DMTN: variants seen among roughly 807,000 people sequenced by gnomAD.
The protein encoded by DMTN is dematin actin binding protein, also known as dematin.
DMTN carries 27 observed loss-of-function variants against 59.4 expected under a neutral mutation model. That is an observed-to-expected ratio of 0.45 (90% confidence interval 0.33 to 0.63). DMTN has a LOEUF of 0.63. DMTN is among the 20% of genes least tolerant of loss of function. The pLI is 0.02. For synonymous variants in DMTN, 221 were observed against 203.7 expected (o/e 1.08, Z -0.72); for missense variants, 451 against 528.9 (o/e 0.85, Z 1.45).
At chr8:22,067,992 G>C (rs1278652180) in intron 4 of DMTN, among the ~76,000 whole-genome samples, 2 of 152,232 alleles carry the variant, frequency 1.3e-5, no homozygotes, top group African/African-American at 4.8e-5. Context: ...TGAAAGTCTA[G>C]CGGAGGGACC....
chr8:22,065,980 A>G (rs971504214), intron 1 of DMTN, among the ~76,000 whole-genome samples: 1 of 151,454 alleles, frequency 6.6e-6, no homozygotes, highest in Non-Finnish European at 1.5e-5. Context: ...AGCTGGGACT[A>G]CAGGCATCCA....
Position 22,070,226 on chromosome 8 carries a change from C to A in DMTN, c.496C>A (p.Leu166Ile). 6.2e-7 allele frequency: 1 copy of A among 1,610,328 alleles called. No homozygotes were observed. Among genetic ancestry groups the A allele is most frequent in the Non-Finnish European group, 8.5e-7 (1 of 1,178,100 alleles). The stretch of plus-strand genomic sequence containing the variant: ...TCAGACCAAGCACCTCATCGAGGAT[C>A]TCATCATCGAGTCATCCAAGTTTCC... ...SPQTKHLIED[L>I]IIESSKFPAA... is the part of the protein sequence containing the mutation. Residue 166 changes from leucine (L) to isoleucine (I), a missense_variant, in exon 8 of 16, where the codon CTC becomes ATC. Physicochemically the swap from Leu to Ile is conservative, Grantham distance 5 (BLOSUM62 2). Coordinates refer to ENST00000358242, the MANE Select transcript of DMTN (RefSeq NM_001387751.1).
chr8:22,081,245 C>G (rs139561641), intron 15 of DMTN, 52 bp downstream of exon 15: 9 of 1,608,842 alleles, frequency 5.6e-6, no homozygotes, highest in Admixed American at 3.3e-5. Flanking sequence ...CGGGCACTCT[C>G]CTGCCTGGGG....
chr8:22,079,271 T>C (rs1484306863), intron 10 of DMTN, among the ~76,000 whole-genome samples: 2 of 44,966 alleles, frequency 4.4e-5, no homozygotes, highest in African/African-American at 1.5e-4. Context: ...AATAAATAAA[T>C]AAATAAATAT....
rs1412250884 is a variant in DMTN, at chr8:22,066,730, A to G, written c.-146A>G. On this transcript the variant is annotated 5_prime_UTR_variant, in exon 2 of 16. Transcript: ENST00000358242. ...CCTGGAGAGTCACCGCCGAGGGATGAGGACGCGCCAGCCCGGGGGAACGCG... is the reference window on the plus strand; with the variant it reads ...CCTGGAGAGTCACCGCCGAGGGATGGGGACGCGCCAGCCCGGGGGAACGCG... 3.5e-6 allele frequency: 3 copies of G among 847,836 alleles called. No individual in the cohort carries two copies. The African/African-American group carries it at 5.5e-5, about 15-fold the overall frequency. The allele number at this position is 847,836 out of a possible 1,614,324, so 52.5% of individuals were successfully genotyped here. A position where few individuals can be genotyped will look rare whatever the true frequency, so the allele number is the denominator to read the frequency against.
intron 10 of DMTN, among the ~76,000 whole-genome samples, chr8:22,075,433 C>T (rs1819001542): frequency 6.6e-6 from 1 of 150,786 alleles, no homozygotes; most frequent in African/African-American, 2.4e-5. Context: ...ACTGCAACCT[C>T]TATCTTCTGG....
chr8:22,081,086 T>G, intron 14 of DMTN, 27 bp from the exon 15 acceptor site: 13 of 1,576,100 alleles, frequency 8.2e-6, no homozygotes, highest in South Asian at 1.1e-5. Flanking sequence ...TCTGTGAGCC[T>G]AAGATTGCCC....
chr8:22,053,867 C>T (rs1438183655), upstream of DMTN: 2 of 152,336 alleles, frequency 1.3e-5, no homozygotes, highest in East Asian at 3.8e-4. Flanking sequence ...GGGCCTGAGC[C>T]AACAGGCACC....
upstream of DMTN, among the ~76,000 whole-genome samples, chr8:22,051,226 C>G (rs1801323684): frequency 6.6e-6 from 1 of 152,138 alleles, no homozygotes; most frequent in Admixed American, 6.5e-5. Flanking sequence ...ACCAGTGCCT[C>G]AAGTCTCACG....
chr8:22,080,826 A>G lies in DMTN; in HGVS notation c.979A>G (p.Arg327Gly). Reference protein sequence around the residue: ...GLQNGEGQRGRMDRGNSLPCV... With the variant: ...GLQNGEGQRGGMDRGNSLPCV... ...CCAGAACGGAGAGGGCCAGAGGGGG[A>G]GGATGGACCGGGGGAACTCCCTGCC... The change falls in exon 14 of 16, where the codon AGG (arginine) becomes GGG (glycine). Residue 327 changes from arginine (R) to glycine (G), a missense_variant. Coordinates refer to ENST00000358242, the MANE Select transcript of DMTN (RefSeq NM_001387751.1). 2 of 1,600,352 alleles carry G rather than the reference A, an allele frequency of 1.2e-6. No homozygotes were observed. The highest frequency in any genetic ancestry group is 1.7e-6 in the Non-Finnish European group (2 of 1,170,998).
In DMTN at chr8:22,068,484, C is replaced by CTTG. The variant is rs572981372; in HGVS notation, c.250-531_250-529dup. On this transcript the variant is annotated intron_variant, in intron 4 of 15. Coordinates refer to ENST00000358242, the MANE Select transcript of DMTN (RefSeq NM_001387751.1). The stretch of plus-strand genomic sequence containing the variant: ...TCAGGAGGCTGAGGTGGGAGAATCC[C>CTTG]TTGAGGCTGGGAAGGGGAGGCTGCA... Among the ~76,000 whole-genome samples the CTTG allele has an allele frequency of 3.6e-4, 55 of 152,250 alleles. 1 individual carries two copies. The East Asian group carries it at 0.01, about 29-fold the overall frequency.
rs370045371 is a variant in DMTN, at chr8:22,070,234, C to T, written c.504C>T (p.Ile168=). 3.3e-5 allele frequency: 53 copies of T among 1,611,982 alleles called. No individual in the cohort carries two copies. The highest frequency in any genetic ancestry group is 4.2e-5 in the Non-Finnish European group (50 of 1,179,002). Residue 168 remains isoleucine, a synonymous_variant, in exon 8 of 16, where the codon ATC becomes ATT. Coordinates refer to ENST00000358242, the MANE Select transcript of DMTN (RefSeq NM_001387751.1). Reference sequence around the variant, plus strand: ...AGCACCTCATCGAGGATCTCATCATCGAGTCATCCAAGTTTCCTGCAGCCC... The same window carrying T: ...AGCACCTCATCGAGGATCTCATCATTGAGTCATCCAAGTTTCCTGCAGCCC... ...QTKHLIEDLI[I]ESSKFPAAQP...
chr8:22,077,188 G>T (rs777917339), intron 10 of DMTN, among the ~76,000 whole-genome samples: 1 of 152,108 alleles, frequency 6.6e-6, no homozygotes, highest in Non-Finnish European at 1.5e-5. Flanking sequence ...AACTGAGAAG[G>T]TAGTGACAGA....
In DMTN at chr8:22,072,343, C is replaced by T. The variant is rs1231216695; in HGVS notation, c.622C>T (p.Arg208Trp). ...TCTCCTAGAGACAGAATGGAGGAAG[C>T]GGAAGGCGTCTCGGAGGGGAGCAGA... is the stretch of plus-strand genomic sequence containing the variant. ...LAVVETEWRK[R>W]KASRRGAEEE... The change falls in exon 9 of 16, where the codon CGG becomes TGG. Residue 208 changes from arginine (R) to tryptophan (W), a missense_variant. Transcript: ENST00000358242. 4 of 1,601,152 alleles carry T rather than the reference C, an allele frequency of 2.5e-6. No individual in the cohort carries two copies. The highest frequency in any genetic ancestry group is 2.3e-5 in the East Asian group (1 of 44,328).
intron 8 of DMTN, among the ~76,000 whole-genome samples, chr8:22,072,123 C>T (rs1420969229): frequency 1.3e-5 from 2 of 152,152 alleles, no homozygotes. Flanking sequence ...TTCCTGGGCT[C>T]AAGCGATCCT....
chr8:22,067,746 C>A, intron 4 of DMTN, 64 bp downstream of exon 4: 2 of 1,566,736 alleles, frequency 1.3e-6, no homozygotes, highest in Non-Finnish European at 1.7e-6. Context: ...TGGGTGGGGA[C>A]CGATCCCTCC....
Position 22,081,872 on chromosome 8 carries a change from C to T in DMTN, c.*409C>T, listed in dbSNP as rs1264382244. ...CAGAAAGAGCTCCAGGCTCTTGTGTCGCCCACCCAGCCCTCCCATACTCAC... is the reference window on the plus strand; with the variant it reads ...CAGAAAGAGCTCCAGGCTCTTGTGTTGCCCACCCAGCCCTCCCATACTCAC... On this transcript the variant is annotated 3_prime_UTR_variant, in exon 16 of 16. Transcript: ENST00000358242. The T allele has an allele frequency of 3.7e-5, 17 of 461,486 alleles. No individual in the cohort carries two copies. The highest frequency in any genetic ancestry group is 8.0e-5 in the African/African-American group (4 of 50,254). 28.6% of individuals were successfully genotyped at this position (461,486 alleles called of 1,614,324 possible).
chr8:22,079,134 G>A (rs1218115589), intron 10 of DMTN, among the ~76,000 whole-genome samples: 1 of 151,076 alleles, frequency 6.6e-6, no homozygotes, highest in African/African-American at 2.4e-5. Context: ...ACTAGGCCAA[G>A]CATAGTGGCT....
chr8:22,067,625 C>T lies in DMTN; in HGVS notation c.192C>T (p.Tyr64=). Residue 64 remains tyrosine, a synonymous_variant, in exon 4 of 16, where the codon TAC becomes TAT. Coordinates refer to ENST00000358242, the MANE Select transcript of DMTN (RefSeq NM_001387751.1). ...TCGAGCGGCCCGACCTCATGATCTA[C>T]GAGCCTCACTTCACTTATTCCCTCC... ...LDIERPDLMI[Y]EPHFTYSLLE... 2 of 1,614,176 alleles carry T rather than the reference C, an allele frequency of 1.2e-6. No homozygotes were observed. Among genetic ancestry groups the T allele is most frequent in the African/African-American group, 1.3e-5 (1 of 75,056 alleles).
Sources: gnomAD v4.1 joint callset for allele counts (sites outside exome capture counted in the v4.1 genomes callset) on GRCh38, gnomAD v4.1.1 for gene constraint, MANE v1.5 for transcripts, NCBI Gene and HGNC (gene_info 2026-07-23, HGNC 2026-07-21) for gene names.